DACH2: variants seen among roughly 807,000 people sequenced by gnomAD.
The protein encoded by DACH2 is dachshund homolog 2.
In DACH2, 17 loss-of-function variants were observed where a neutral mutation model predicts 35.8. The observed-to-expected ratio is 0.48, with a 90% confidence interval of 0.33 to 0.71. The LOEUF (loss-of-function observed/expected upper bound fraction) is 0.71. Among genes scored for constraint, DACH2 ranks in the 30% least tolerant of loss-of-function variants. The probability of loss-of-function intolerance (pLI) is 0.02; values close to 1 mark genes in which losing one functional copy is unlikely to be tolerated. For missense variants in DACH2, 469 were observed against 472.7 expected, an observed-to-expected ratio of 0.99 and a Z score of 0.07; for synonymous variants, 195 against 177.3, an observed-to-expected ratio of 1.10 and a Z score of -0.79.
Position 86,366,141 on chromosome X carries a change from C to A in DACH2, c.489-10683C>A, listed in dbSNP as rs1445657800. On this transcript the variant is annotated intron_variant, in intron 1 of 11. Transcript: ENST00000373125. ...TTGCTAGACACTACAAGGAGATATC[C>A]ATTTGGTGCTTCCAAATGGAAGACC... Among the ~76,000 whole-genome samples, 5 of 110,784 alleles carry A rather than the reference C, an allele frequency of 4.5e-5. No individual in the cohort carries two copies. In the Admixed American group the frequency reaches 4.8e-4, roughly 11 times the overall value.
chrX:86,357,392 T>C (rs2035660834), intron 1 of DACH2, among the ~76,000 whole-genome samples: 1 of 112,458 alleles, frequency 8.9e-6, no homozygotes, highest in Admixed American at 9.4e-5. Context: ...AAAGAACATG[T>C]TTTCTGCATT....
chrX:86,820,598 CA>C (rs1444143403), intron 11 of DACH2, among the ~76,000 whole-genome samples: 1 of 109,702 alleles, frequency 9.1e-6, no homozygotes, highest in Non-Finnish European at 1.9e-5. Context: ...GAATTAAAAA[CA>C]AAAAAAGTGT....
chrX:86,574,088 A>C (rs1006320634), intron 3 of DACH2, among the ~76,000 whole-genome samples: 2 of 111,777 alleles, frequency 1.8e-5, no homozygotes, highest in Non-Finnish European at 3.8e-5. Flanking sequence ...TTCTGATGTC[A>C]CTTATTCAGT....
At chrX:86,714,404 A>G in intron 5 of DACH2, 144 bp from the exon 6 acceptor site, 1 of 356,342 alleles carries the variant, frequency 2.8e-6, no homozygotes, top group Non-Finnish European at 4.8e-6. Flanking sequence ...AAAATAACAC[A>G]GGTACTATTA....
chrX:86,504,187 A>G (rs1393097076), intron 2 of DACH2, among the ~76,000 whole-genome samples: 3 of 110,664 alleles, frequency 2.7e-5, no homozygotes, highest in Non-Finnish European at 5.7e-5. Context: ...TCATTTTGGT[A>G]CCAAATAGCA....
At chrX:86,413,408 G>T (rs1229528324) in intron 2 of DACH2, among the ~76,000 whole-genome samples, 1 of 112,175 alleles carries the variant, frequency 8.9e-6, no homozygotes, top group Non-Finnish European at 1.9e-5. Context: ...TGCAAACCAG[G>T]TGTCAGGAGA....
At chrX:86,333,311 C>T (rs2035244890) in intron 1 of DACH2, among the ~76,000 whole-genome samples, 1 of 111,543 alleles carries the variant, frequency 9.0e-6, no homozygotes, top group African/African-American at 3.3e-5. Context: ...AAAGGTGAGC[C>T]TATTGTTTAA....
intron 4 of DACH2, among the ~76,000 whole-genome samples, chrX:86,657,860 T>A (rs977015779): frequency 1.3e-4 from 15 of 111,249 alleles, no homozygotes; most frequent in African/African-American, 4.2e-4. Flanking sequence ...ATTTTTCTGC[T>A]GGTGTTAATA....
chrX:86,253,009 A>G (rs978990972), intron 1 of DACH2, among the ~76,000 whole-genome samples: 4 of 110,893 alleles, frequency 3.6e-5, no homozygotes, highest in African/African-American at 1.3e-4. Flanking sequence ...TTATATGCAT[A>G]GAAAACTTTA....
chrX:86,154,146 C>G (rs910527784), intron 1 of DACH2, among the ~76,000 whole-genome samples: 2 of 111,219 alleles, frequency 1.8e-5, no homozygotes, highest in African/African-American at 6.5e-5. Flanking sequence ...TAACATGCTT[C>G]TAGCAGACAA....
chrX:86,645,604 T>G (rs2040406053), intron 3 of DACH2, among the ~76,000 whole-genome samples: 1 of 111,018 alleles, frequency 9.0e-6, no homozygotes, highest in Admixed American at 9.6e-5. Context: ...TGCATGCAAA[T>G]GTTCACTGCA....
chrX:86,195,039 G>C (rs1045172697), intron 1 of DACH2, among the ~76,000 whole-genome samples: 1 of 112,685 alleles, frequency 8.9e-6, no homozygotes, highest in South Asian at 3.6e-4. Context: ...GGGCCTCCAT[G>C]GCCATGCACC....
chrX:86,402,204 G>T (rs982670304), intron 2 of DACH2, among the ~76,000 whole-genome samples: 1 of 111,573 alleles, frequency 9.0e-6, no homozygotes, highest in African/African-American at 3.3e-5. Context: ...ACAAGAGAAA[G>T]AAACAAAATC....
intron 1 of DACH2, among the ~76,000 whole-genome samples, chrX:86,168,839 T>G (rs1340301886): frequency 4.5e-5 from 5 of 111,456 alleles, no homozygotes; most frequent in African/African-American, 1.6e-4. Flanking sequence ...TCTATTTATA[T>G]TTTATTGTAC....
intron 1 of DACH2, among the ~76,000 whole-genome samples, chrX:86,260,357 C>T (rs776633347): frequency 1.8e-5 from 2 of 111,227 alleles, no homozygotes; most frequent in Non-Finnish European, 3.8e-5. Flanking sequence ...AGAACCTCCT[C>T]TATGTAAAGA....
At chrX:86,753,887 C>A (rs2041800174) in intron 7 of DACH2, among the ~76,000 whole-genome samples, 1 of 108,996 alleles carries the variant, frequency 9.2e-6, no homozygotes, top group South Asian at 3.9e-4. Flanking sequence ...ATCTTTTGAT[C>A]TCTCTACCTG....
At chrX:86,565,987 A>G (rs1189300309) in intron 3 of DACH2, among the ~76,000 whole-genome samples, 1 of 111,907 alleles carries the variant, frequency 8.9e-6, no homozygotes, top group Non-Finnish European at 1.9e-5. Context: ...ATTCTTTTAA[A>G]TGTTATAATT....
intron 1 of DACH2, among the ~76,000 whole-genome samples, chrX:86,288,085 T>A (rs1203111108): frequency 8.9e-6 from 1 of 112,484 alleles, no homozygotes. Flanking sequence ...CTAAGCTGTA[T>A]GTGCTTTAGG....
intron 1 of DACH2, among the ~76,000 whole-genome samples, chrX:86,347,236 G>A (rs1287337490): frequency 1.8e-5 from 2 of 112,155 alleles, no homozygotes; most frequent in Non-Finnish European, 3.8e-5. Flanking sequence ...CATTAGCTTC[G>A]CTGATTCTGT....
Sources: allele counts gnomAD v4.1 joint callset (sites outside exome capture counted in the v4.1 genomes callset), GRCh38; gene constraint gnomAD v4.1.1; transcripts MANE v1.5; gene names NCBI Gene and HGNC (gene_info 2026-07-23, HGNC 2026-07-21).